ACYP2: variants seen among roughly 807,000 people sequenced by gnomAD.
The protein encoded by ACYP2 is acylphosphatase 2.
ACYP2 carries 12 observed loss-of-function variants against 11.2 expected under a neutral mutation model. That is an observed-to-expected ratio of 1.08 (90% confidence interval 0.69 to 1.74). The LOEUF (loss-of-function observed/expected upper bound fraction) is 1.74. ACYP2 is among the 40% of genes most tolerant of loss of function. The pLI is 0.00. For synonymous variants in ACYP2, 43 were observed against 32.2 expected, an observed-to-expected ratio of 1.33 and a Z score of -1.13; for missense variants, 134 against 101.9, an observed-to-expected ratio of 1.31 and a Z score of -1.35.
intron 2 of ACYP2, among the ~76,000 whole-genome samples, chr2:54,017,852 T>C (rs1419834760): frequency 6.6e-6 from 1 of 152,054 alleles, no homozygotes; most frequent in Non-Finnish European, 1.5e-5. Context: ...GAGCGTGTGT[T>C]ACTATTTGTT....
chr2:54,208,161 C>G (rs1685160186), intron 6 of ACYP2, among the ~76,000 whole-genome samples: 1 of 151,576 alleles, frequency 6.6e-6, no homozygotes, highest in Non-Finnish European at 1.5e-5. Context: ...TGTGTGTCAC[C>G]AAGTTTTTGT....
At chr2:54,284,641 A>G (rs1200984181) in intron 6 of ACYP2, among the ~76,000 whole-genome samples, 1 of 151,998 alleles carries the variant, frequency 6.6e-6, no homozygotes, top group South Asian at 2.1e-4. Context: ...TGTATCTACA[A>G]TTGTTTTTTA....
chr2:53,993,952 G>A (rs1415528570), intron 2 of ACYP2, among the ~76,000 whole-genome samples: 2 of 152,020 alleles, frequency 1.3e-5, no homozygotes, highest in Non-Finnish European at 2.9e-5. Flanking sequence ...TTGGGAGGCC[G>A]AGGAGGGTGG....
intron 6 of ACYP2, among the ~76,000 whole-genome samples, chr2:54,162,182 A>G (rs939734869): frequency 6.6e-6 from 1 of 152,142 alleles, no homozygotes; most frequent in Non-Finnish European, 1.5e-5. Context: ...ATTGTTTGTA[A>G]TAGGTCTCAA....
intron 6 of ACYP2, among the ~76,000 whole-genome samples, chr2:54,197,344 G>C (rs577411431): frequency 6.6e-6 from 1 of 152,144 alleles, no homozygotes; most frequent in East Asian, 1.9e-4. Context: ...CAGGGGTTGC[G>C]GGGGAGGAAG....
At chr2:54,181,378 C>T (rs1400561736) in intron 6 of ACYP2, among the ~76,000 whole-genome samples, 1 of 152,164 alleles carries the variant, frequency 6.6e-6, no homozygotes, top group African/African-American at 2.4e-5. Flanking sequence ...AAAACTAGAA[C>T]TGAAGTCCAG....
At chr2:54,011,029 A>G (rs1673343669) in intron 2 of ACYP2, among the ~76,000 whole-genome samples, 2 of 152,050 alleles carry the variant, frequency 1.3e-5, no homozygotes, top group Admixed American at 1.3e-4. Flanking sequence ...GGTGAGGAAC[A>G]AAGAAAGGCT....
At chr2:54,246,981 C>G (rs1435030143) in intron 6 of ACYP2, among the ~76,000 whole-genome samples, 1 of 152,170 alleles carries the variant, frequency 6.6e-6, no homozygotes, top group African/African-American at 2.4e-5. Context: ...TTAAGACCCT[C>G]TAGTCTACCT....
chr2:54,091,388 G>T lies in ACYP2; in HGVS notation c.277+34028G>T, dbSNP rs1418664505. Among the ~76,000 whole-genome samples, 15 of 152,008 alleles carry T rather than the reference G, an allele frequency of 9.9e-5. No homozygotes were observed. In the South Asian group the frequency reaches 3.1e-3, roughly 32 times the overall value. ...AGCATAAGCATTTTATATCCATGAA[G>T]GTAAATAACAAAAGGGCTATTTTTT... On this transcript the variant is annotated intron_variant, in intron 4 of 6. Transcript: ENST00000607452.
chr2:54,184,484 T>A (rs572717213), intron 6 of ACYP2, among the ~76,000 whole-genome samples: 59 of 152,170 alleles, frequency 3.9e-4, no homozygotes, highest in African/African-American at 1.4e-3. Flanking sequence ...CAGTAAATGT[T>A]TTCATGCTTA....
intron 6 of ACYP2, among the ~76,000 whole-genome samples, chr2:54,281,819 T>C (rs1688860292): frequency 6.6e-6 from 1 of 152,230 alleles, no homozygotes; most frequent in Non-Finnish European, 1.5e-5. Context: ...TACTAAGTTT[T>C]GCTTTTTTTC....
At chr2:54,152,574 C>T (rs1472694163) in intron 6 of ACYP2, among the ~76,000 whole-genome samples, 1 of 152,198 alleles carries the variant, frequency 6.6e-6, no homozygotes, top group African/African-American at 2.4e-5. Context: ...CCTCTAGCCC[C>T]TGACAACCAC....
intron 4 of ACYP2, among the ~76,000 whole-genome samples, chr2:54,068,456 T>G (rs1676858057): frequency 6.6e-6 from 1 of 152,176 alleles, no homozygotes; most frequent in African/African-American, 2.4e-5. Flanking sequence ...GGCTATGATA[T>G]GTATGTAAAC....
intron 2 of ACYP2, among the ~76,000 whole-genome samples, chr2:53,978,454 T>C (rs1389936086): frequency 6.6e-6 from 1 of 152,162 alleles, no homozygotes; most frequent in African/African-American, 2.4e-5. Flanking sequence ...AAGGACCACA[T>C]AGACAGTGGT....
chr2:54,252,903 C>CAAA (rs750791731), intron 6 of ACYP2, among the ~76,000 whole-genome samples: 1 of 136,040 alleles, frequency 7.4e-6, no homozygotes, highest in Non-Finnish European at 1.6e-5. Flanking sequence ...GACTCCGTCT[C>CAAA]AAAAAAAAAA....
intron 2 of ACYP2, among the ~76,000 whole-genome samples, chr2:54,027,549 A>T (rs1264786205): frequency 6.6e-6 from 1 of 152,160 alleles, no homozygotes; most frequent in East Asian, 1.9e-4. Context: ...GAAAGCTCTC[A>T]TGTCACATAA....
At chr2:54,219,837 GTGTA>G (rs1685712897) in intron 6 of ACYP2, among the ~76,000 whole-genome samples, 2 of 134,526 alleles carry the variant, frequency 1.5e-5, no homozygotes, top group South Asian at 2.4e-4. Context: ...GTATATATAT[GTGTA>G]TGTGTGTGTA....
intron 6 of ACYP2, among the ~76,000 whole-genome samples, chr2:54,236,576 C>A (rs1306043852): frequency 6.6e-6 from 1 of 151,944 alleles, no homozygotes; most frequent in Non-Finnish European, 1.5e-5. Context: ...AAATTCAATT[C>A]TTTGGAATTT....
intron 6 of ACYP2, among the ~76,000 whole-genome samples, chr2:54,239,371 A>C (rs949748427): frequency 3.9e-5 from 6 of 152,210 alleles, no homozygotes; most frequent in East Asian, 1.9e-4. Flanking sequence ...AGCTAGCTTC[A>C]AACAAACTTA....
Sources: gnomAD v4.1 joint callset for allele counts (sites outside exome capture counted in the v4.1 genomes callset) on GRCh38, gnomAD v4.1.1 for gene constraint, MANE v1.5 for transcripts, NCBI Gene and HGNC (gene_info 2026-07-23, HGNC 2026-07-21) for gene names.